The following ARHGEF10 variants were observed in gnomAD, a reference collection of about 807,000 sequenced individuals.
ARHGEF10 encodes Rho guanine nucleotide exchange factor 10.
A neutral mutation model predicts 147.4 loss-of-function variants in ARHGEF10; 140 were observed. The ratio of observed to expected loss-of-function variants is 0.95; its 90% CI spans 0.83 to 1.09. ARHGEF10 has a LOEUF of 1.09. ARHGEF10 is among the 50% of genes least tolerant of loss of function. The pLI, the probability that ARHGEF10 is intolerant of heterozygous loss-of-function variation, is 0.00. For synonymous variants in ARHGEF10, 902 were observed against 695.8 expected, an observed-to-expected ratio of 1.30 and a Z score of -4.67; for missense variants, 2,222 against 1,752.7, an observed-to-expected ratio of 1.27 and a Z score of -4.78.
chr8:1,839,141 T>TGGTATGGGGACTGTCC (rs1803774674), intron 1 of ARHGEF10, among the ~76,000 whole-genome samples: 2 of 146,200 alleles, frequency 1.4e-5, no homozygotes, highest in Non-Finnish European at 3.0e-5. Flanking sequence ...GGAAACTGTC[T>TGGTATGGGGACTGTCC]GGTATGGGGA....
chr8:1,854,074 T>A (rs115828431), intron 2 of ARHGEF10, among the ~76,000 whole-genome samples: 1 of 152,160 alleles, frequency 6.6e-6, no homozygotes. Flanking sequence ...CCCCAAATGC[T>A]GGGATTTTTA....
intron 9 of ARHGEF10, 152 bp from the exon 10 acceptor site, chr8:1,882,483 C>G (rs936510218): frequency 3.9e-5 from 29 of 748,710 alleles, no homozygotes; most frequent in Non-Finnish European, 6.9e-5. Flanking sequence ...TTCCAACAAA[C>G]AAAACCAAAA....
intron 9 of ARHGEF10, among the ~76,000 whole-genome samples, chr8:1,881,663 C>T (rs148968761): frequency 1.3e-3 from 196 of 152,228 alleles, no homozygotes; most frequent in Non-Finnish European, 2.1e-3. Context: ...TCATGGTGAA[C>T]GCTTCAGGAA....
At position 1,909,211 on chromosome 8, in the gene ARHGEF10, C is replaced by G. The variant is rs192470475; in HGVS notation, c.1968-84C>G. 211 of 1,580,896 alleles carry G rather than the reference C, an allele frequency of 1.3e-4. No homozygotes were observed. In the African/African-American group the frequency reaches 2.4e-3, roughly 18 times the overall value. On this transcript the variant is annotated intron_variant, in intron 17 of 28. Transcript: ENST00000349830. The stretch of plus-strand genomic sequence containing the variant: ...GTTACAATTCAGCAGTGGGAAGTTT[C>G]TCACTTGAACATCTGAGGGATGAAC...
chr8:1,922,935 CT>C (rs373239929), intron 18 of ARHGEF10, 28 bp from the exon 19 acceptor site: 113 of 1,464,048 alleles, frequency 7.7e-5, no homozygotes, highest in Middle Eastern at 1.8e-4. Context: ...CCTTTGTATT[CT>C]TTTTTTTTCT....
intron 2 of ARHGEF10, among the ~76,000 whole-genome samples, chr8:1,855,566 T>G (rs1160461509): frequency 6.6e-6 from 1 of 152,040 alleles, no homozygotes; most frequent in Non-Finnish European, 1.5e-5. Context: ...ACCTTTTTTT[T>G]TTTTTAAGAG....
intron 14 of ARHGEF10, among the ~76,000 whole-genome samples, chr8:1,897,514 C>A (rs1297753849): frequency 2.7e-5 from 4 of 149,760 alleles, no homozygotes; most frequent in Non-Finnish European, 5.9e-5. Flanking sequence ...CAGCTGTGGG[C>A]TCTGTCCTAA....
chr8:1,912,752 C>T (rs1475126898), intron 18 of ARHGEF10, among the ~76,000 whole-genome samples: 1 of 152,142 alleles, frequency 6.6e-6, no homozygotes, highest in Non-Finnish European at 1.5e-5. Flanking sequence ...GTCGTGTCCC[C>T]TATGGATCCA....
intron 3 of ARHGEF10, among the ~76,000 whole-genome samples, chr8:1,859,405 T>G (rs1001223564): frequency 3.4e-5 from 5 of 147,964 alleles, no homozygotes; most frequent in African/African-American, 1.2e-4. Flanking sequence ...CTCGGTTGTT[T>G]GCACGGTGTT....
intron 13 of ARHGEF10, among the ~76,000 whole-genome samples, chr8:1,895,644 A>C (rs1223950143): frequency 6.6e-6 from 1 of 152,164 alleles, no homozygotes; most frequent in African/African-American, 2.4e-5. Flanking sequence ...ACATTTTTAA[A>C]AATGCAAACA....
intron 17 of ARHGEF10, among the ~76,000 whole-genome samples, chr8:1,908,495 G>C (rs1811092891): frequency 6.6e-6 from 1 of 152,126 alleles, no homozygotes; most frequent in Non-Finnish European, 1.5e-5. Flanking sequence ...GCCTCCCAAA[G>C]TGCTGGGATT....
chr8:1,832,751 GAC>G (rs1442233034), intron 1 of ARHGEF10, among the ~76,000 whole-genome samples: 4 of 107,916 alleles, frequency 3.7e-5, no homozygotes, highest in South Asian at 3.5e-4. Context: ...CAGAGGCAGA[GAC>G]AGAGACAGAG....
At chr8:1,881,154 G>T (rs1193114649) in intron 9 of ARHGEF10, among the ~76,000 whole-genome samples, 1 of 152,190 alleles carries the variant, frequency 6.6e-6, no homozygotes, top group Non-Finnish European at 1.5e-5. Flanking sequence ...GGAAAGGAAG[G>T]CTGGGGAGGC....
intron 2 of ARHGEF10, among the ~76,000 whole-genome samples, chr8:1,857,693 C>G (rs1410822897): frequency 1.4e-5 from 2 of 145,594 alleles, no homozygotes; most frequent in Non-Finnish European, 3.0e-5. Context: ...GCTGGGATTA[C>G]AGATGTGAGC....
intron 21 of ARHGEF10, among the ~76,000 whole-genome samples, chr8:1,924,317 A>G (rs1812523471): frequency 6.6e-6 from 1 of 152,162 alleles, no homozygotes; most frequent in African/African-American, 2.4e-5. Context: ...CCCAGCACCA[A>G]AGATCAACCC....
rs530345242 is a variant in ARHGEF10 at position 1,891,655 on chromosome 8, C to A, written c.1183-1914C>A. ...CCCCATGACCTTCATGCCAGGGACC[C>A]TCCCTGTGGGGGCTGCATTCAGGAT... On this transcript the variant is annotated intron_variant, in intron 11 of 28. Coordinates refer to ENST00000349830, the MANE Select transcript of ARHGEF10 (RefSeq NM_014629.4). 7.2e-5 allele frequency among the ~76,000 whole-genome samples: 11 copies of A among 152,236 alleles called. No individual in the cohort carries two copies. The East Asian group carries it at 1.6e-3, about 22-fold the overall frequency.
At chr8:1,860,905 G>A (rs1442451539) in intron 4 of ARHGEF10, among the ~76,000 whole-genome samples, 3 of 152,148 alleles carry the variant, frequency 2.0e-5, no homozygotes, top group South Asian at 2.1e-4. Context: ...TGGGAGAATT[G>A]CCTCAGGGGC....
chr8:1,830,676 G>C (rs984114117), intron 1 of ARHGEF10, among the ~76,000 whole-genome samples: 1 of 152,228 alleles, frequency 6.6e-6, no homozygotes, highest in South Asian at 2.1e-4. Context: ...GCCCTGGGGG[G>C]CTGGCACCCT....
At chr8:1,888,852 GTGAGGAGACACTGAGTGGGGTGAGAGTTA>G (rs1809077553) in intron 11 of ARHGEF10, among the ~76,000 whole-genome samples, 2 of 90,012 alleles carry the variant, frequency 2.2e-5, no homozygotes, top group Admixed American at 1.1e-4. Context: ...GGTGAGGTTT[GTGAGGAGACACTGAGTGGGGTGAGAGTTA>G]TGAGGAGACA....
Sources: gnomAD v4.1 joint callset for allele counts (sites outside exome capture counted in the v4.1 genomes callset) on GRCh38, gnomAD v4.1.1 for gene constraint, MANE v1.5 for transcripts, NCBI Gene and HGNC (gene_info 2026-07-23, HGNC 2026-07-21) for gene names.